The following DENND5B variants were observed in gnomAD, a reference collection of about 807,000 sequenced individuals.
DENND5B encodes DENN domain containing 5B.
Under a neutral mutation model 140.6 loss-of-function variants are expected in DENND5B, and 34 were observed. That is an observed-to-expected ratio of 0.24 (90% CI 0.18 to 0.32). The LOEUF is 0.32. DENND5B is among the 10% of genes least tolerant of loss of function. The probability of loss-of-function intolerance (pLI) is 1.00; values close to 1 mark genes in which losing one functional copy is unlikely to be tolerated. For missense variants in DENND5B, 1,142 were observed against 1,560.2 expected, an observed-to-expected ratio of 0.73 and a Z score of 4.52; for synonymous variants, 551 against 562.1, an observed-to-expected ratio of 0.98 and a Z score of 0.28.
intron 4 of DENND5B, among the ~76,000 whole-genome samples, chr12:31,459,784 T>A (rs1944934444): frequency 6.6e-6 from 1 of 152,194 alleles, no homozygotes; most frequent in Non-Finnish European, 1.5e-5. Context: ...TGCTGCAACA[T>A]GTTACTTTTC....
chr12:31,410,515 C>T (rs1186801024), intron 13 of DENND5B, among the ~76,000 whole-genome samples: 2 of 152,126 alleles, frequency 1.3e-5, no homozygotes, highest in Non-Finnish European at 2.9e-5. Flanking sequence ...GAGTGTGCCT[C>T]CCACCTCAGC....
chr12:31,558,529 T>C (rs1319525354), intron 1 of DENND5B, among the ~76,000 whole-genome samples: 3 of 152,234 alleles, frequency 2.0e-5, no homozygotes, highest in Admixed American at 2.0e-4. Context: ...AGCCTTTTAG[T>C]TTGTACCCAG....
intron 14 of DENND5B, among the ~76,000 whole-genome samples, chr12:31,406,951 A>C (rs1266780714): frequency 6.7e-6 from 1 of 148,764 alleles, no homozygotes; most frequent in Non-Finnish European, 1.5e-5. Flanking sequence ...AGCAAGCGCC[A>C]CCACGTCCGG....
intron 2 of DENND5B, among the ~76,000 whole-genome samples, chr12:31,485,736 C>CCTCTCTCTCTCTCT (rs55748263): frequency 1.3e-5 from 2 of 149,788 alleles, no homozygotes; most frequent in East Asian, 2.0e-4. Flanking sequence ...GCTTCCATCT[C>CCTCTCTCTCTCTCT]CTCTCTCTCT....
intron 14 of DENND5B, among the ~76,000 whole-genome samples, chr12:31,406,822 G>C (rs749503360): frequency 1.5e-4 from 23 of 152,146 alleles, no homozygotes; most frequent in Non-Finnish European, 3.1e-4. Context: ...CTTATTTAGA[G>C]ACAGTCTCAA....
chr12:31,568,055 G>C (rs1213848111), intron 1 of DENND5B, among the ~76,000 whole-genome samples: 5 of 152,092 alleles, frequency 3.3e-5, no homozygotes, highest in Non-Finnish European at 7.4e-5. Flanking sequence ...TCAACAAGTA[G>C]AGAATACAGG....
chr12:31,561,962 T>C (rs534734600), intron 1 of DENND5B, among the ~76,000 whole-genome samples: 51 of 152,384 alleles, frequency 3.3e-4, no homozygotes, highest in South Asian at 1.2e-3. Context: ...GCAAGCACTG[T>C]AGTAGATGCT....
intron 3 of DENND5B, 98 bp downstream of exon 3, chr12:31,479,491 G>T (rs1945972231): frequency 5.2e-6 from 6 of 1,161,496 alleles, no homozygotes; most frequent in Middle Eastern, 2.9e-4. Flanking sequence ...AAAAGACTGT[G>T]ATCATTATTC....
At chr12:31,424,397 TA>T (rs1943148748) in intron 10 of DENND5B, 137 bp downstream of exon 10, 1 of 1,165,926 alleles carries the variant, frequency 8.6e-7, no homozygotes, top group African/African-American at 1.6e-5. Flanking sequence ...TTTCTGAAAT[TA>T]AAATGCCTGT....
chr12:31,576,118 G>A (rs1950006260), intron 1 of DENND5B, among the ~76,000 whole-genome samples: 2 of 141,152 alleles, frequency 1.4e-5, no homozygotes, highest in African/African-American at 5.4e-5. Flanking sequence ...TCCAGCCCGT[G>A]TGACAGAGCA....
At chr12:31,416,960 G>A (rs1360125313) in intron 11 of DENND5B, among the ~76,000 whole-genome samples, 1 of 131,086 alleles carries the variant, frequency 7.6e-6, no homozygotes, top group Non-Finnish European at 1.6e-5. Context: ...GCATGGTGGT[G>A]TTCACCTGTA....
chr12:31,398,153 A>C, intron 17 of DENND5B, 22 bp downstream of exon 17: 1 of 1,556,272 alleles, frequency 6.4e-7, no homozygotes, highest in Non-Finnish European at 8.7e-7. Context: ...GGAGCACATA[A>C]GAAAAATTTA....
At chr12:31,392,433 G>A (rs773378891) in intron 18 of DENND5B, 40 bp from the exon 19 acceptor site, 3 of 1,606,632 alleles carry the variant, frequency 1.9e-6, no homozygotes, top group Non-Finnish European at 1.7e-6. Context: ...AAAATCTCCT[G>A]CATCTATGTC....
chr12:31,579,019 T>G (rs977772924), intron 1 of DENND5B, among the ~76,000 whole-genome samples: 1 of 152,272 alleles, frequency 6.6e-6, no homozygotes, highest in African/African-American at 2.4e-5. Context: ...CTGGGATTAC[T>G]TCTGACTTAA....
intron 5 of DENND5B, among the ~76,000 whole-genome samples, chr12:31,448,159 A>G (rs1944351971): frequency 6.6e-6 from 1 of 150,474 alleles, no homozygotes; most frequent in Non-Finnish European, 1.5e-5. Context: ...TTTGAGATGG[A>G]GTCTCGCTCT....
At position 31,392,684 on chromosome 12, in the gene DENND5B, C is replaced by A. The variant is rs377615526; in HGVS notation, c.3269G>T (p.Gly1090Val). 3 of 1,556,056 alleles carry A rather than the reference C, an allele frequency of 1.9e-6. No homozygotes were observed. Among genetic ancestry groups the A allele is most frequent in the Non-Finnish European group, 2.6e-6 (3 of 1,148,808 alleles). The change falls in exon 18 of 21, where the codon GGG (glycine) becomes GTG (valine). Residue 1090 changes from glycine (G) to valine (V), a missense_variant. By Grantham distance (109) the Gly-to-Val change is moderately radical. Transcript: ENST00000389082. ...TTCTCCAATTCCTTCTTGTATCTGC[C>A]CAGCATTGGGTTCTGTAAAATAATA... ...LTGKNNKPNA[G>V]QIQEGIGEAV... is the part of the protein sequence containing the mutation.
chr12:31,437,691 TATACTC>T (rs1416428884), intron 7 of DENND5B, among the ~76,000 whole-genome samples: 2 of 151,912 alleles, frequency 1.3e-5, no homozygotes, highest in Admixed American at 1.3e-4. Flanking sequence ...ATCAAGAAAA[TATACTC>T]AAAACAACCG....
intron 1 of DENND5B, among the ~76,000 whole-genome samples, chr12:31,549,068 TA>T (rs2139225727): frequency 6.6e-6 from 1 of 152,244 alleles, no homozygotes; most frequent in Admixed American, 6.5e-5. Context: ...GCTAATTCTT[TA>T]AAAATTTTTT....
intron 11 of DENND5B, among the ~76,000 whole-genome samples, chr12:31,417,142 G>C (rs1241692694): frequency 2.0e-5 from 3 of 150,436 alleles, no homozygotes; most frequent in Non-Finnish European, 4.4e-5. Context: ...GGATCATGAG[G>C]TCAGGAGATC....
Sources: allele counts gnomAD v4.1 joint callset (sites outside exome capture counted in the v4.1 genomes callset), GRCh38; gene constraint gnomAD v4.1.1; transcripts MANE v1.5; gene names NCBI Gene and HGNC (gene_info 2026-07-23, HGNC 2026-07-21).